AFF1: variants seen among roughly 807,000 people sequenced by gnomAD.
The protein encoded by AFF1 is ALF transcription elongation factor 1.
Under a neutral mutation model 121.7 loss-of-function variants are expected in AFF1, and 48 were observed. The ratio of observed to expected loss-of-function variants is 0.39; its 90% CI spans 0.31 to 0.50. The LOEUF (loss-of-function observed/expected upper bound fraction) is 0.50, where lower values mean the gene tolerates loss of function less well. Ranked by LOEUF, AFF1 falls within the 20% of genes least tolerant of loss-of-function variation. The pLI is 0.76. For synonymous variants in AFF1, 613 were observed against 563.0 expected, an observed-to-expected ratio of 1.09 and a Z score of -1.26; for missense variants, 1,523 against 1,511.7, an observed-to-expected ratio of 1.01 and a Z score of -0.12.
chr4:87,131,781 A>T lies in AFF1; in HGVS notation c.3102-12A>T, dbSNP rs942971115. ...TGTTTAAAACCTGATGTACTTTTAT[A>T]TTTTCCTATAGATTCATAATGTCAT... On this transcript the variant is annotated splice_polypyrimidine_tract_variant and intron_variant, in intron 17 of 20. Coordinates refer to ENST00000395146, the MANE Select transcript of AFF1 (RefSeq NM_001166693.3). 1 of 1,582,550 alleles carries T rather than the reference A, an allele frequency of 6.3e-7. No individual in the cohort carries two copies. The highest frequency in any genetic ancestry group is 8.6e-7 in the Non-Finnish European group (1 of 1,161,162).
At chr4:87,095,762 C>T (rs374908122) in intron 8 of AFF1, among the ~76,000 whole-genome samples, 1 of 151,912 alleles carries the variant, frequency 6.6e-6, no homozygotes, top group East Asian at 1.9e-4. Context: ...TTTAAATTGG[C>T]ATTTTGACCC....
chr4:86,998,007 A>G (rs1392689481), intron 2 of AFF1, among the ~76,000 whole-genome samples: 1 of 147,848 alleles, frequency 6.8e-6, no homozygotes, highest in Non-Finnish European at 1.5e-5. Flanking sequence ...CTAAGGCAGG[A>G]GAATCGCTTG....
intron 12 of AFF1, among the ~76,000 whole-genome samples, chr4:87,122,249 G>T (rs553577158): frequency 6.6e-6 from 1 of 152,336 alleles, no homozygotes; most frequent in Non-Finnish European, 1.5e-5. Flanking sequence ...TCACTGGGCC[G>T]TTTGGTAACA....
At chr4:87,131,713 T>C in intron 17 of AFF1, 80 bp from the exon 18 acceptor site, 1 of 1,224,752 alleles carries the variant, frequency 8.2e-7, no homozygotes, top group Non-Finnish European at 1.1e-6. Context: ...AAAGTCAATA[T>C]AAAATGGAAA....
At chr4:87,072,121 T>G (rs768569248) in intron 4 of AFF1, among the ~76,000 whole-genome samples, 1 of 152,128 alleles carries the variant, frequency 6.6e-6, no homozygotes, top group Admixed American at 6.5e-5. Flanking sequence ...CCCAGCACTT[T>G]GGGAGGCCGA....
intron 2 of AFF1, among the ~76,000 whole-genome samples, chr4:86,987,528 G>A (rs1724382716): frequency 6.6e-6 from 1 of 152,154 alleles, no homozygotes; most frequent in Non-Finnish European, 1.5e-5. Context: ...AACCCTCTGT[G>A]TGGAAGTCCT....
intron 19 of AFF1, among the ~76,000 whole-genome samples, chr4:87,133,944 C>G (rs746020588): frequency 4.6e-5 from 7 of 152,184 alleles, no homozygotes; most frequent in Non-Finnish European, 4.4e-5. Flanking sequence ...CTTCTAGCAC[C>G]TATTGTGCTA....
chr4:86,961,011 C>T (rs1224876431), intron 2 of AFF1, among the ~76,000 whole-genome samples: 1 of 152,196 alleles, frequency 6.6e-6, no homozygotes, highest in Non-Finnish European at 1.5e-5. Flanking sequence ...GCAAGGAGCA[C>T]AGCATCCCTG....
In AFF1 at chr4:87,132,410, T is replaced by TA. The variant is rs1728915763; in HGVS notation, c.3311+4dup. On this transcript the variant is annotated splice_region_variant and intron_variant, in intron 19 of 20. Transcript: ENST00000395146. ...GGCACCTTCTCCATGCATTGCAAGG[T>TA]AACTCTAAGTCTAATATAAATAATT... 2 of 1,607,466 alleles carry TA rather than the reference T, an allele frequency of 1.2e-6. No individual in the cohort carries two copies. The highest frequency in any genetic ancestry group is 2.2e-5 in the South Asian group (2 of 89,498).
intron 2 of AFF1, 120 bp from the exon 3 acceptor site, chr4:87,046,046 C>T (rs113353884): frequency 1.4e-5 from 17 of 1,213,686 alleles, no homozygotes; most frequent in African/African-American, 7.7e-5. Context: ...AAATCACAGC[C>T]GTCATCACTG....
intron 8 of AFF1, among the ~76,000 whole-genome samples, chr4:87,098,089 G>T (rs931505349): frequency 6.6e-6 from 1 of 152,128 alleles, no homozygotes; most frequent in Non-Finnish European, 1.5e-5. Flanking sequence ...TCAGAGTTAT[G>T]AGGACTTGGG....
chr4:87,041,994 A>T, intron 2 of AFF1, among the ~76,000 whole-genome samples: 1 of 149,988 alleles, frequency 6.7e-6, no homozygotes, highest in South Asian at 2.1e-4. Flanking sequence ...TGGGCGACAG[A>T]GCGAGACTCC....
chr4:86,977,505 A>G (rs1462315054), intron 2 of AFF1, among the ~76,000 whole-genome samples: 1 of 152,174 alleles, frequency 6.6e-6, no homozygotes, highest in Non-Finnish European at 1.5e-5. Context: ...GAGTGTGAGC[A>G]TGTGTGTTAG....
intron 2 of AFF1, among the ~76,000 whole-genome samples, chr4:87,014,487 G>A (rs1727113464): frequency 1.3e-5 from 2 of 152,200 alleles, no homozygotes; most frequent in South Asian, 4.1e-4. Context: ...CTCCTACTGG[G>A]AAGTAAATGT....
Position 87,135,796 on chromosome 4 carries a change from C to T in AFF1, c.*95C>T. The T allele has an allele frequency of 7.0e-7, 1 of 1,426,924 alleles. No individual in the cohort carries two copies. Among genetic ancestry groups the T allele is most frequent in the Non-Finnish European group, 9.2e-7 (1 of 1,081,320 alleles). 88.4% of individuals were successfully genotyped at this position (1,426,924 alleles called of 1,614,324 possible). ...ACATTTGTTTCATCAGGACACCAAA[C>T]TCTAAAAAAGAAGCACCACGAGATG... On this transcript the variant is annotated 3_prime_UTR_variant, in exon 21 of 21. Coordinates refer to ENST00000395146, the MANE Select transcript of AFF1 (RefSeq NM_001166693.3).
At chr4:86,958,264 T>G (rs1259274902) in intron 2 of AFF1, among the ~76,000 whole-genome samples, 1 of 151,810 alleles carries the variant, frequency 6.6e-6, no homozygotes, top group Non-Finnish European at 1.5e-5. Context: ...TGGCTAATTT[T>G]TTGTATTTTT....
intron 2 of AFF1, among the ~76,000 whole-genome samples, chr4:86,970,179 A>G (rs1434109838): frequency 6.6e-6 from 1 of 151,994 alleles, no homozygotes; most frequent in African/African-American, 2.4e-5. Flanking sequence ...TGCATATATC[A>G]ATTTTATAGT....
rs868432735 is a variant in AFF1 at position 87,072,287 on chromosome 4, C to T, written c.1060-11833C>T. Among the ~76,000 whole-genome samples the T allele has an allele frequency of 5.4e-5, 8 of 147,942 alleles. No homozygotes were observed. The East Asian group carries it at 6.2e-4, about 12-fold the overall frequency. ...CTGAGGCAGGAGAATGGCGTGAACC[C>T]GGGAGGCGGAGCTTGCAGTGAGCCA... On this transcript the variant is annotated intron_variant, in intron 4 of 20. Transcript: ENST00000395146.
chr4:87,054,375 G>A (rs994799411), intron 4 of AFF1, among the ~76,000 whole-genome samples: 1 of 152,202 alleles, frequency 6.6e-6, no homozygotes, highest in Non-Finnish European at 1.5e-5. Context: ...TGAGTAGGAC[G>A]TCAGAGTAGC....
Sources: allele counts gnomAD v4.1 joint callset (sites outside exome capture counted in the v4.1 genomes callset), GRCh38; gene constraint gnomAD v4.1.1; transcripts MANE v1.5; gene names NCBI Gene and HGNC (gene_info 2026-07-23, HGNC 2026-07-21).